Variants in RASSF8 observed in about 807,000 individuals in gnomAD.
RASSF8 encodes Ras association domain family member 8.
RASSF8 carries 22 observed loss-of-function variants against 48.5 expected under a neutral mutation model. That is an observed-to-expected ratio of 0.45 (90% CI 0.32 to 0.65). RASSF8 has a LOEUF of 0.65. Among genes scored for constraint, RASSF8 ranks in the 30% least tolerant of loss-of-function variants. The pLI is 0.03. For synonymous variants in RASSF8, 127 were observed against 171.5 expected (o/e 0.74, Z 2.03); for missense variants, 418 against 489.2 (o/e 0.85, Z 1.37).
chr12:26,068,637 T>A (rs927496992), intron 5 of RASSF8, 60 bp from the exon 6 acceptor site: 1 of 1,313,620 alleles, frequency 7.6e-7, no homozygotes, highest in Non-Finnish European at 1.1e-6. Context: ...TGATTTTTTA[T>A]ATTGCTAAGT....
Position 26,067,602 on chromosome 12 carries a change from GAGTTGCGGCA to G in RASSF8, c.1031_1040del (p.Leu344SerfsTer24). ...ACAGGAACTGGAGCAGTTGACTAAG[GAGTTGCGGCA>G]AGTCAATCTCCAGCAGTTCATCCAG... On this transcript the variant is annotated frameshift_variant, in exon 5 of 6. Coordinates refer to ENST00000689635, the MANE Select transcript of RASSF8 (RefSeq NM_001394098.1). LOFTEE classifies it high-confidence loss of function. 6.2e-7 allele frequency: 1 copy of G among 1,613,918 alleles called. No homozygotes were observed. The highest frequency in any genetic ancestry group is 8.5e-7 in the Non-Finnish European group (1 of 1,179,878).
At chr12:26,018,581 G>C (rs1436538803) in intron 2 of RASSF8, among the ~76,000 whole-genome samples, 5 of 152,098 alleles carry the variant, frequency 3.3e-5, no homozygotes, top group African/African-American at 9.7e-5. Context: ...TTACAACTTG[G>C]AATCACTGAC....
intron 1 of RASSF8, among the ~76,000 whole-genome samples, chr12:25,991,974 T>A (rs1314928902): frequency 6.6e-6 from 1 of 152,248 alleles, no homozygotes; most frequent in African/African-American, 2.4e-5. Flanking sequence ...TTTTATCCTC[T>A]CCTTTTCCCC....
chr12:26,068,835 G>A lies in RASSF8; in HGVS notation c.*17G>A, dbSNP rs1565649894. ...TATGTATGACATTATCTGTCTTTAGGGAGGAGACCCAACAGAGGTACCAAG... is the reference window on the plus strand; with the variant it reads ...TATGTATGACATTATCTGTCTTTAGAGAGGAGACCCAACAGAGGTACCAAG... On this transcript the variant is annotated 3_prime_UTR_variant, in exon 6 of 6. Transcript: ENST00000689635. The A allele has an allele frequency of 6.5e-7, 1 of 1,536,230 alleles. No homozygotes were observed. Among genetic ancestry groups the A allele is most frequent in the Non-Finnish European group, 8.7e-7 (1 of 1,146,364 alleles).
At chr12:26,049,291 T>C (rs1314312150) in intron 2 of RASSF8, among the ~76,000 whole-genome samples, 1 of 152,228 alleles carries the variant, frequency 6.6e-6, no homozygotes, top group East Asian at 1.9e-4. Flanking sequence ...AGAGGAATTA[T>C]TCTGAAGCTG....
Position 26,070,901 on chromosome 12 carries a change from C to G in RASSF8, c.*2083C>G. ...TATCCAACTCATTATAAATTGTTAT[C>G]AGAATTAACCTAATAACTTTAAGTA... On this transcript the variant is annotated 3_prime_UTR_variant, in exon 6 of 6. Transcript: ENST00000689635. 2.0e-6 allele frequency: 2 copies of G among 984,800 alleles called. No individual in the cohort carries two copies. Among genetic ancestry groups the G allele is most frequent in the Non-Finnish European group, 2.4e-6 (2 of 829,366 alleles). The allele number at this position is 984,800 out of a possible 1,614,324, so 61.0% of individuals were successfully genotyped here.
At chr12:26,039,818 G>A (rs1443954718) in intron 2 of RASSF8, among the ~76,000 whole-genome samples, 1 of 152,184 alleles carries the variant, frequency 6.6e-6, no homozygotes, top group Non-Finnish European at 1.5e-5. Flanking sequence ...GAGTGGATCT[G>A]TTTAAATAAA....
At chr12:26,073,792 T>TTA (rs5797161), downstream of RASSF8, among the ~76,000 whole-genome samples, 5 of 139,756 alleles carry the variant, frequency 3.6e-5, no homozygotes, top group Non-Finnish European at 4.6e-5. Flanking sequence ...TATATACACA[T>TTA]TATGTATACA....
chr12:25,978,389 C>T (rs1438303659), intron 1 of RASSF8, among the ~76,000 whole-genome samples: 1 of 152,238 alleles, frequency 6.6e-6, no homozygotes, highest in Non-Finnish European at 1.5e-5. Flanking sequence ...CACATTCCCT[C>T]ATTCCTATCT....
chr12:25,987,399 A>C (rs1941911997), intron 1 of RASSF8, among the ~76,000 whole-genome samples: 1 of 152,206 alleles, frequency 6.6e-6, no homozygotes, highest in Non-Finnish European at 1.5e-5. Context: ...CATTACAGCC[A>C]ATATAAGCTT....
In RASSF8 at chr12:26,069,873, G is replaced by A. The variant is rs973332957; in HGVS notation, c.*1055G>A. Reference sequence around the variant, plus strand: ...CTTCCAGTCACTTAGATGGAAAGGAGGTTAAACCTAGGTACTTTTTAGCAA... The same window carrying A: ...CTTCCAGTCACTTAGATGGAAAGGAAGTTAAACCTAGGTACTTTTTAGCAA... On this transcript the variant is annotated 3_prime_UTR_variant, in exon 6 of 6. Coordinates refer to ENST00000689635, the MANE Select transcript of RASSF8 (RefSeq NM_001394098.1). The A allele has an allele frequency of 4.1e-6, 4 of 984,216 alleles. No homozygotes were observed. In the African/African-American group the frequency reaches 7.0e-5, roughly 17 times the overall value. The allele number at this position is 984,216 out of a possible 1,614,324, so 61.0% of individuals were successfully genotyped here.
chr12:25,965,128 G>A (rs1254689805), intron 1 of RASSF8, among the ~76,000 whole-genome samples: 1 of 151,762 alleles, frequency 6.6e-6, no homozygotes, highest in Non-Finnish European at 1.5e-5. Context: ...ATTTTTATTA[G>A]AGACAGGATT....
chr12:26,002,450 A>C (rs150933898), intron 2 of RASSF8, among the ~76,000 whole-genome samples: 32 of 151,576 alleles, frequency 2.1e-4, no homozygotes, highest in South Asian at 6.3e-4. Context: ...AACAAACAAA[A>C]AAAAACAAAT....
At chr12:25,964,296 T>C (rs1719272242) in intron 1 of RASSF8, among the ~76,000 whole-genome samples, 1 of 152,228 alleles carries the variant, frequency 6.6e-6, no homozygotes, top group Non-Finnish European at 1.5e-5. Flanking sequence ...AGTGTTTTTT[T>C]TTTTTTTTAA....
intron 2 of RASSF8, among the ~76,000 whole-genome samples, chr12:26,002,799 T>C (rs1403729860): frequency 2.6e-5 from 4 of 152,234 alleles, no homozygotes; most frequent in African/African-American, 9.6e-5. Flanking sequence ...CCTCCAGTGC[T>C]GTGTTGAATC....
intron 1 of RASSF8, among the ~76,000 whole-genome samples, chr12:25,975,567 G>A (rs1023184977): frequency 5.3e-5 from 8 of 152,192 alleles, no homozygotes; most frequent in African/African-American, 1.7e-4. Flanking sequence ...ACTCTACAAA[G>A]ATTTATGTGA....
intron 1 of RASSF8, among the ~76,000 whole-genome samples, chr12:25,989,900 A>G (rs372433867): frequency 9.2e-5 from 14 of 152,172 alleles, no homozygotes; most frequent in Non-Finnish European, 1.8e-4. Flanking sequence ...AATCAAGTAC[A>G]TCTGAGTTCA....
chr12:26,036,787 G>T (rs1404217038), intron 2 of RASSF8, among the ~76,000 whole-genome samples: 1 of 152,028 alleles, frequency 6.6e-6, no homozygotes, highest in Non-Finnish European at 1.5e-5. Flanking sequence ...AGCCAGGCTT[G>T]GTGGCACACG....
At chr12:26,004,995 A>T (rs1384947420) in intron 2 of RASSF8, among the ~76,000 whole-genome samples, 1 of 150,368 alleles carries the variant, frequency 6.7e-6, no homozygotes, top group Admixed American at 6.9e-5. Flanking sequence ...CTTTACAAAA[A>T]GTTAAAAAAA....
Sources: allele counts gnomAD v4.1 joint callset (sites outside exome capture counted in the v4.1 genomes callset), GRCh38; gene constraint gnomAD v4.1.1; transcripts MANE v1.5; gene names NCBI Gene and HGNC (gene_info 2026-07-23, HGNC 2026-07-21).